The following GNA15 variants were observed in gnomAD, a reference collection of about 807,000 sequenced individuals.
GNA15 encodes G protein subunit alpha 15.
A neutral mutation model predicts 40.1 loss-of-function variants in GNA15; 23 were observed. The observed-to-expected ratio is 0.57, with a 90% CI of 0.41 to 0.81. GNA15 has a LOEUF of 0.81. Ranked by LOEUF, GNA15 falls within the 40% of genes least tolerant of loss-of-function variation. GNA15 has a pLI of 0.00. For missense variants in GNA15, 522 were observed against 515.8 expected (o/e 1.01, Z -0.12); for synonymous variants, 226 against 210.4 (o/e 1.07, Z -0.64).
chr19:3,160,222 C>A (rs1171725852), intron 6 of GNA15, among the ~76,000 whole-genome samples: 1 of 150,332 alleles, frequency 6.7e-6, no homozygotes, highest in Non-Finnish European at 1.5e-5. Flanking sequence ...ATGTCTGGTG[C>A]CTTGGTGCTC....
intron 4 of GNA15, among the ~76,000 whole-genome samples, chr19:3,153,735 A>G (rs370801664): frequency 1.5e-4 from 19 of 124,560 alleles, no homozygotes; most frequent in African/African-American, 5.0e-4. Context: ...TGGGTGGGTG[A>G]ATGCATGGAT....
In GNA15 at chr19:3,163,153, G is replaced by A. The variant is rs1205850622; in HGVS notation, c.*134G>A. 20 of 637,728 alleles carry A rather than the reference G, an allele frequency of 3.1e-5. No individual in the cohort carries two copies. The highest frequency in any genetic ancestry group is 1.6e-4 in the South Asian group (9 of 55,820). 39.5% of individuals were successfully genotyped at this position (637,728 alleles called of 1,614,324 possible). ...AAGGGAGTCGGGGGACGGACGGCCCGCTGCTGGCCGCTCTCTTCTCTGCCT... is the reference window on the plus strand; with the variant it reads ...AAGGGAGTCGGGGGACGGACGGCCCACTGCTGGCCGCTCTCTTCTCTGCCT... On this transcript the variant is annotated 3_prime_UTR_variant, in exon 7 of 7. Transcript: ENST00000262958.
chr19:3,146,102 C>T lies in GNA15; in HGVS notation c.146-2489C>T, dbSNP rs371355236. 1.4e-4 allele frequency among the ~76,000 whole-genome samples: 21 copies of T among 152,290 alleles called. No homozygotes were observed. In the East Asian group the frequency reaches 3.5e-3, roughly 25 times the overall value. On this transcript the variant is annotated intron_variant, in intron 1 of 6. Transcript: ENST00000262958. ...TTTCTGGGCCCCAACCAAGCCACTC[C>T]TTCCCTTTTTGCTGCCGCTTGCTCG...
chr19:3,155,407 C>T lies in GNA15; in HGVS notation c.615-416C>T, dbSNP rs777755388. On this transcript the variant is annotated intron_variant, in intron 4 of 6. Transcript: ENST00000262958. This position sits in a 1 kb window ranked among gnomAD's most constrained non-coding sequence, Gnocchi z 5.6. ...ACAGCCCTCATTCCCATCTGTGTGGCCACTGGACATGCCCATGGCCAGCCA... is the reference window on the plus strand; with the variant it reads ...ACAGCCCTCATTCCCATCTGTGTGGTCACTGGACATGCCCATGGCCAGCCA... Among the ~76,000 whole-genome samples the T allele has an allele frequency of 6.6e-6, 1 of 152,112 alleles. No individual in the cohort carries two copies. The highest frequency in any genetic ancestry group is 2.4e-5 in the African/African-American group (1 of 41,412).
chr19:3,147,692 G>A lies in GNA15; in HGVS notation c.146-899G>A, dbSNP rs562218867. 1.8e-3 allele frequency among the ~76,000 whole-genome samples: 271 copies of A among 151,984 alleles called. 2 individuals carry two copies. The highest frequency in any genetic ancestry group is 6.0e-3 in the African/African-American group (249 of 41,484). ...GAGGCCGAGGCGGGTGGATCACGAGGTCAAGACCACGGTGAAACCCCGTCT... is the reference window on the plus strand; with the variant it reads ...GAGGCCGAGGCGGGTGGATCACGAGATCAAGACCACGGTGAAACCCCGTCT... On this transcript the variant is annotated intron_variant, in intron 1 of 6. Coordinates refer to ENST00000262958, the MANE Select transcript of GNA15 (RefSeq NM_002068.4).
chr19:3,155,729 T>A lies in GNA15; in HGVS notation c.615-94T>A. The A allele has an allele frequency of 3.5e-6, 5 of 1,408,846 alleles. No homozygotes were observed. Among genetic ancestry groups the A allele is most frequent in the Non-Finnish European group, 4.8e-6 (5 of 1,036,424 alleles). The allele number at this position is 1,408,846 out of a possible 1,614,324, so 87.3% of individuals were successfully genotyped here. Reference sequence around the variant, plus strand: ...TAGCACCTATTCTTGCTGTCGCTATTATGGATCTTGGCATATCCCAGACGT... The same window carrying A: ...TAGCACCTATTCTTGCTGTCGCTATAATGGATCTTGGCATATCCCAGACGT... On this transcript the variant is annotated intron_variant, in intron 4 of 6. Transcript: ENST00000262958. This position sits in a 1 kb window ranked among gnomAD's most constrained non-coding sequence, Gnocchi z 5.6.
intron 6 of GNA15, 62 bp from the exon 7 acceptor site, chr19:3,162,731 C>CG: frequency 8.8e-7 from 1 of 1,134,758 alleles, no homozygotes. Context: ...AAGAGGGTCT[C>CG]CAGAGGCCCC....
intron 1 of GNA15, among the ~76,000 whole-genome samples, chr19:3,138,230 C>T (rs930563412): frequency 6.6e-6 from 1 of 152,058 alleles, no homozygotes; most frequent in Non-Finnish European, 1.5e-5. Flanking sequence ...TGCACTATTG[C>T]ACCCCAGCCT....
chr19:3,144,229 C>A (rs1914645874), intron 1 of GNA15, among the ~76,000 whole-genome samples: 2 of 152,036 alleles, frequency 1.3e-5, no homozygotes, highest in African/African-American at 4.8e-5. Context: ...CAAGGGCCAG[C>A]AAGCTCACAA....
At chr19:3,153,017 GT>G (rs1310701495) in intron 4 of GNA15, among the ~76,000 whole-genome samples, 5 of 151,958 alleles carry the variant, frequency 3.3e-5, no homozygotes, top group Admixed American at 1.3e-4. Context: ...ACCCGCTCGG[GT>G]CCCCTTCCAC....
rs1225194636 is a variant in GNA15, at chr19:3,155,607, TC to T, written c.615-212del. ...CCAGCACAGTAGAAGCTTGGGAAAG[TC>T]CCCGCTCCTCCCTGGATCTCAGGCT... On this transcript the variant is annotated intron_variant, in intron 4 of 6. Coordinates refer to ENST00000262958, the MANE Select transcript of GNA15 (RefSeq NM_002068.4). The surrounding 1 kb of genome is among the most constrained non-coding windows in gnomAD (Gnocchi z 5.6). Among the ~76,000 whole-genome samples, 1 of 152,082 alleles carries T rather than the reference TC, an allele frequency of 6.6e-6. No homozygotes were observed. Among genetic ancestry groups the T allele is most frequent in the African/African-American group, 2.4e-5 (1 of 41,400 alleles).
intron 1 of GNA15, among the ~76,000 whole-genome samples, chr19:3,147,917 AAAACAAAAAC>A (rs964212608): frequency 2.0e-5 from 3 of 151,586 alleles, no homozygotes; most frequent in South Asian, 2.1e-4. Flanking sequence ...AGAGAAAAAG[AAAACAAAAAC>A]AAACAAAAAC....
intron 5 of GNA15, 93 bp from the exon 6 acceptor site, chr19:3,157,635 C>T (rs1348229626): frequency 1.8e-6 from 2 of 1,121,992 alleles, no homozygotes; most frequent in South Asian, 1.4e-5. Context: ...TGAGCCCATG[C>T]CCCTGGAGCC....
intron 6 of GNA15, among the ~76,000 whole-genome samples, chr19:3,160,789 G>A (rs958692381): frequency 6.6e-6 from 1 of 152,084 alleles, no homozygotes; most frequent in African/African-American, 2.4e-5. Flanking sequence ...TCTGGTGGTG[G>A]CCTACAATCC....
intron 3 of GNA15, among the ~76,000 whole-genome samples, chr19:3,150,530 G>A (rs1229635839): frequency 1.3e-5 from 2 of 152,106 alleles, no homozygotes; most frequent in South Asian, 4.1e-4. Flanking sequence ...TGTTCCTTGG[G>A]ACTCTGTTCT....
chr19:3,137,973 A>T (rs998859372), intron 1 of GNA15, among the ~76,000 whole-genome samples: 3 of 151,838 alleles, frequency 2.0e-5, no homozygotes, highest in Non-Finnish European at 4.4e-5. Flanking sequence ...TAAATAAATA[A>T]ATATAAATAA....
intron 3 of GNA15, 103 bp downstream of exon 3, chr19:3,150,388 G>T (rs901647491): frequency 1.6e-5 from 16 of 1,008,388 alleles, no homozygotes; most frequent in Middle Eastern, 3.2e-4. Context: ...GCGCAGATGG[G>T]CTGTGAGGTG....
intron 6 of GNA15, among the ~76,000 whole-genome samples, chr19:3,162,482 A>G (rs1915160991): frequency 6.6e-6 from 1 of 152,116 alleles, no homozygotes; most frequent in Non-Finnish European, 1.5e-5. Context: ...CCAGTCTTCC[A>G]ACTGCACTGG....
rs765707486 is a variant in GNA15 at position 3,155,807 on chromosome 19, C to T, written c.615-16C>T. On this transcript the variant is annotated splice_polypyrimidine_tract_variant and intron_variant, in intron 4 of 6. Transcript: ENST00000262958. This position sits in a 1 kb window ranked among gnomAD's most constrained non-coding sequence, Gnocchi z 5.6. ...GGCTCCTGAGCTCTGAAAGGGGGCA[C>T]CTCGGTTCCCTGTAGGATCGTGGAC... 1.2e-6 allele frequency: 2 copies of T among 1,610,560 alleles called. No homozygotes were observed. The highest frequency in any genetic ancestry group is 1.7e-5 in the Admixed American group (1 of 59,924).
Sources: allele counts gnomAD v4.1 joint callset (sites outside exome capture counted in the v4.1 genomes callset), GRCh38; gene constraint gnomAD v4.1.1; non-coding constraint Gnocchi (gnomAD v3.1); transcripts MANE v1.5; gene names NCBI Gene and HGNC (gene_info 2026-07-23, HGNC 2026-07-21).